Variants in PDZD2 observed in about 807,000 individuals in gnomAD.
The protein encoded by PDZD2 is PDZ domain-containing protein 2.
A neutral mutation model predicts 220.7 loss-of-function variants in PDZD2; 90 were observed. That is an observed-to-expected ratio of 0.41 (90% confidence interval 0.34 to 0.49). The LOEUF is 0.49. Ranked by LOEUF, PDZD2 falls within the 20% of genes least tolerant of loss-of-function variation. The pLI is 0.28. For synonymous variants in PDZD2, 1,375 were observed against 1,450.5 expected (o/e 0.95, Z 1.18); for missense variants, 3,174 against 3,608.5 (o/e 0.88, Z 3.08).
At chr5:31,903,644 C>CA (rs59822169) in intron 2 of PDZD2, among the ~76,000 whole-genome samples, 2,002 of 99,600 alleles carry the variant, frequency 0.02, 68 homozygotes, top group East Asian at 0.13. Flanking sequence ...GACCCTGTCT[C>CA]AAAAAAAAAA....
chr5:31,906,505 C>T (rs752837186), intron 2 of PDZD2, among the ~76,000 whole-genome samples: 14 of 151,836 alleles, frequency 9.2e-5, no homozygotes, highest in South Asian at 6.2e-4. Flanking sequence ...CCACCATGCG[C>T]GGCCTTAGTT....
intron 2 of PDZD2, among the ~76,000 whole-genome samples, chr5:31,817,130 G>A (rs1755511928): frequency 1.3e-5 from 2 of 149,372 alleles, no homozygotes; most frequent in African/African-American, 5.0e-5. Flanking sequence ...AGCTTGCGGT[G>A]AGCCGAGATC....
chr5:31,932,821 TTTACTATTCTGAGTGC>T (rs1218111955), intron 2 of PDZD2, among the ~76,000 whole-genome samples: 1 of 152,142 alleles, frequency 6.6e-6, no homozygotes, highest in Admixed American at 6.5e-5. Flanking sequence ...CTCTGTGAAT[TTTACTATTCTGAGTGC>T]CTCATACGAT....
At position 32,000,623 on chromosome 5, in the gene PDZD2, G is replaced by GC. The variant is rs1752031063; in HGVS notation, c.1254+354dup. On this transcript the variant is annotated intron_variant, in intron 5 of 24. Transcript: ENST00000438447. The surrounding 1 kb of genome is among the most constrained non-coding windows in gnomAD (Gnocchi z 4.5). Reference sequence around the variant, plus strand: ...CCTTCCGGATTCAAGCAGTTCTCCTGCCTCAGCCTCCCAAGTAGCTAGGAT... The same window carrying GC: ...CCTTCCGGATTCAAGCAGTTCTCCTGCCCTCAGCCTCCCAAGTAGCTAGGAT... Among the ~76,000 whole-genome samples the GC allele has an allele frequency of 6.6e-6, 1 of 152,108 alleles. No homozygotes were observed. Among genetic ancestry groups the GC allele is most frequent in the Non-Finnish European group, 1.5e-5 (1 of 68,028 alleles).
chr5:31,819,007 G>T (rs187379915), intron 2 of PDZD2, among the ~76,000 whole-genome samples: 1 of 152,132 alleles, frequency 6.6e-6, no homozygotes, highest in Non-Finnish European at 1.5e-5. Flanking sequence ...AGAATGGAAG[G>T]ACAGTGAGTG....
At chr5:32,016,481 G>A (rs950512771) in intron 6 of PDZD2, among the ~76,000 whole-genome samples, 25 of 152,278 alleles carry the variant, frequency 1.6e-4, no homozygotes, top group African/African-American at 4.8e-4. Flanking sequence ...AGAAAGACAC[G>A]GAGTCTGACT....
intron 2 of PDZD2, among the ~76,000 whole-genome samples, chr5:31,966,048 G>A (rs1368127973): frequency 6.6e-6 from 1 of 152,206 alleles, no homozygotes; most frequent in Admixed American, 6.5e-5. Context: ...TTGGCATAGG[G>A]AATCCCAAGG....
chr5:31,689,373 T>TTTTTTTA, intron 1 of PDZD2, among the ~76,000 whole-genome samples: 1 of 127,514 alleles, frequency 7.8e-6, no homozygotes, highest in East Asian at 2.4e-4. Context: ...TTTTTTTTTT[T>TTTTTTTA]AAGTCGAGAC....
intron 1 of PDZD2, among the ~76,000 whole-genome samples, chr5:31,746,972 C>T (rs573268920): frequency 9.2e-5 from 14 of 152,270 alleles, no homozygotes; most frequent in South Asian, 4.2e-4. Context: ...GTCAGGAGTT[C>T]GAGACCAGCC....
chr5:31,926,166 G>A (rs1744734292), intron 2 of PDZD2, among the ~76,000 whole-genome samples: 1 of 151,606 alleles, frequency 6.6e-6, no homozygotes, highest in Admixed American at 6.6e-5. Context: ...GCTGAAGAGA[G>A]CTATGATTGT....
chr5:31,754,142 A>T (rs2150180601), intron 1 of PDZD2: 1 of 152,344 alleles, frequency 6.6e-6, no homozygotes, highest in South Asian at 2.1e-4. Context: ...TGTAGGTTTA[A>T]TAATAATGAT....
chr5:31,803,076 C>A (rs1754494160), intron 2 of PDZD2, among the ~76,000 whole-genome samples: 1 of 150,448 alleles, frequency 6.6e-6, no homozygotes, highest in Non-Finnish European at 1.5e-5. Flanking sequence ...GAGCATGGCC[C>A]AGAGCCTTTA....
intron 13 of PDZD2, among the ~76,000 whole-genome samples, 160 bp downstream of exon 13, chr5:32,059,516 G>A (rs1739479235): frequency 6.6e-6 from 1 of 152,134 alleles, no homozygotes; most frequent in Admixed American, 6.6e-5. Context: ...CTCCAAAAAT[G>A]TAAATGTTAA....
At chr5:31,640,069 T>TTCTCCCTCCCTCTGTTCCTCTCTC (rs141552806) in intron 1 of PDZD2, among the ~76,000 whole-genome samples, 9,654 of 152,024 alleles carry the variant, frequency 0.064, 633 homozygotes, top group East Asian at 0.27. Context: ...AAAATCTGGT[T>TTCTCCCTCCCTCTGTTCCTCTCTC]TCTCCCTCCC....
intron 1 of PDZD2, among the ~76,000 whole-genome samples, chr5:31,685,245 T>C (rs1746805809): frequency 6.6e-6 from 1 of 152,180 alleles, no homozygotes; most frequent in Non-Finnish European, 1.5e-5. Flanking sequence ...TCCTTGTTGG[T>C]ATTTTAATTG....
chr5:32,005,287 C>G (rs6894064), intron 5 of PDZD2, among the ~76,000 whole-genome samples: 47,776 of 152,048 alleles, frequency 0.31, 7,899 homozygotes, highest in African/African-American at 0.41. Context: ...TTTGGAAATA[C>G]AGCAGTTACT....
chr5:31,912,619 G>A (rs1044739825), intron 2 of PDZD2, among the ~76,000 whole-genome samples: 5 of 152,298 alleles, frequency 3.3e-5, no homozygotes, highest in East Asian at 1.9e-4. Flanking sequence ...GAGAAGGTTC[G>A]CCTTGTTCTG....
At chr5:32,040,477 G>GCCA (rs2112243525) in intron 7 of PDZD2, among the ~76,000 whole-genome samples, 1 of 143,716 alleles carries the variant, frequency 7.0e-6, no homozygotes, top group Admixed American at 7.0e-5. Flanking sequence ...CTGCCCTGCC[G>GCCA]CCCCATCTGG....
intron 2 of PDZD2, among the ~76,000 whole-genome samples, chr5:31,839,781 T>C (rs1380220123): frequency 6.6e-6 from 1 of 152,162 alleles, no homozygotes; most frequent in African/African-American, 2.4e-5. Flanking sequence ...AATTGAATAA[T>C]GGGGGCAGTT....
Sources: gnomAD v4.1 joint callset for allele counts (sites outside exome capture counted in the v4.1 genomes callset) on GRCh38, gnomAD v4.1.1 for gene constraint, Gnocchi (gnomAD v3.1) non-coding constraint, MANE v1.5 for transcripts, NCBI Gene and HGNC (gene_info 2026-07-23, HGNC 2026-07-21) for gene names.